Variants in BRSK2 observed in about 807,000 individuals in gnomAD.
BRSK2 encodes the protein BR serine/threonine kinase 2, also known as serine/threonine-protein kinase BRSK2.
BRSK2 carries 19 observed loss-of-function variants against 83.3 expected under a neutral mutation model. The observed-to-expected ratio is 0.23, with a 90% CI of 0.16 to 0.33. BRSK2 has a LOEUF of 0.33. Among genes scored for constraint, BRSK2 ranks in the 10% least tolerant of loss-of-function variants. BRSK2 has a pLI of 1.00. For synonymous variants in BRSK2, 519 were observed against 435.4 expected (o/e 1.19, Z -2.39); for missense variants, 798 against 1,042.3 (o/e 0.77, Z 3.23).
intron 1 of BRSK2, among the ~76,000 whole-genome samples, chr11:1,427,891 A>G (rs868394792): frequency 6.6e-6 from 1 of 152,200 alleles, no homozygotes; most frequent in African/African-American, 2.4e-5. Context: ...AGAAAGTGGC[A>G]AAACTGCTCA....
intron 1 of BRSK2, among the ~76,000 whole-genome samples, chr11:1,395,733 G>GTGCTGGCCC (rs563098343): frequency 2.0e-5 from 3 of 152,198 alleles, no homozygotes; most frequent in Non-Finnish European, 4.4e-5. Flanking sequence ...CGTGCTGGCC[G>GTGCTGGCCC]TGCTGGCCCT....
chr11:1,445,158 C>T (rs574599980), intron 9 of BRSK2, 136 bp from the exon 10 acceptor site: 42 of 1,460,762 alleles, frequency 2.9e-5, no homozygotes, highest in African/African-American at 2.7e-4. Flanking sequence ...GCGGGCAGGA[C>T]GCAGGAGGCC....
intron 1 of BRSK2, among the ~76,000 whole-genome samples, chr11:1,400,749 G>T (rs548041192): frequency 6.6e-6 from 1 of 152,338 alleles, no homozygotes; most frequent in East Asian, 1.9e-4. Context: ...AGGACCTGCC[G>T]GCTCTGCCTG....
chr11:1,396,758 G>A lies in BRSK2; in HGVS notation c.91+6383G>A, dbSNP rs577709678. On this transcript the variant is annotated intron_variant, in intron 1 of 19. Coordinates refer to ENST00000528841, the MANE Select transcript of BRSK2 (RefSeq NM_001256627.2). ...TGCTGGGCAGCCGGCACCAGGAGAGGAGGCGGGCTGGTCCCCGTGACTGCC... is the reference window on the plus strand; with the variant it reads ...TGCTGGGCAGCCGGCACCAGGAGAGAAGGCGGGCTGGTCCCCGTGACTGCC... Among the ~76,000 whole-genome samples the A allele has an allele frequency of 1.6e-4, 25 of 152,364 alleles. No homozygotes were observed. The South Asian group carries it at 5.2e-3, about 32-fold the overall frequency.
intron 1 of BRSK2, chr11:1,411,123 G>A: frequency 1.7e-6 from 2 of 1,205,504 alleles, no homozygotes; most frequent in Non-Finnish European, 2.1e-6. Context: ...ACCAGCTGGG[G>A]ATCCTCAGGG....
At chr11:1,451,333 TCAC>T in intron 14 of BRSK2, 35 bp from the exon 15 acceptor site, 3 of 1,612,090 alleles carry the variant, frequency 1.9e-6, no homozygotes, top group South Asian at 1.1e-5. Flanking sequence ...GATGGAGCGG[TCAC>T]CACGCCTTTC....
chr11:1,411,567 C>G (rs1451134824), intron 1 of BRSK2: 5 of 1,579,552 alleles, frequency 3.2e-6, no homozygotes, highest in South Asian at 1.1e-5. Context: ...CGGCCCACAG[C>G]TGCTCCAGCC....
At chr11:1,416,146 T>C (rs973246154) in intron 1 of BRSK2, among the ~76,000 whole-genome samples, 1 of 152,224 alleles carries the variant, frequency 6.6e-6, no homozygotes, top group Admixed American at 6.5e-5. Flanking sequence ...TTATAAAATT[T>C]CTGTTTTAAT....
chr11:1,443,191 C>T, intron 6 of BRSK2, 52 bp downstream of exon 6: 2 of 1,530,208 alleles, frequency 1.3e-6, no homozygotes, highest in Non-Finnish European at 1.8e-6. Context: ...TGGCGGGGAC[C>T]TGACCCTGGT....
At chr11:1,447,853 A>G (rs1248876927) in intron 12 of BRSK2, 1 of 1,596,852 alleles carries the variant, frequency 6.3e-7, no homozygotes, top group East Asian at 2.2e-5. Flanking sequence ...CCAATTCAGC[A>G]AAGAAGACAG....
intron 12 of BRSK2, among the ~76,000 whole-genome samples, chr11:1,446,179 G>C (rs1382175190): frequency 7.2e-6 from 1 of 138,298 alleles, no homozygotes; most frequent in East Asian, 2.2e-4. Context: ...CCTGGGCTGG[G>C]CTGGGCTAGT....
chr11:1,457,738 GA>G (rs964630851), intron 18 of BRSK2, among the ~76,000 whole-genome samples: 2 of 152,162 alleles, frequency 1.3e-5, no homozygotes, highest in African/African-American at 2.4e-5. Context: ...GGAAGCCAAA[GA>G]GGGCCCCACT....
At chr11:1,449,108 T>TCA (rs1202121725) in intron 12 of BRSK2, among the ~76,000 whole-genome samples, 2 of 152,214 alleles carry the variant, frequency 1.3e-5, no homozygotes, top group Non-Finnish European at 2.9e-5. Context: ...GCCGTCCTGG[T>TCA]CCCTGCACGG....
intron 19 of BRSK2, 72 bp from the exon 20 acceptor site, chr11:1,460,428 T>G: frequency 2.9e-5 from 27 of 945,282 alleles, no homozygotes; most frequent in East Asian, 4.0e-5. Flanking sequence ...TTCCCTCCCC[T>G]CCTCTTTCTC....
At chr11:1,419,156 G>C (rs1214819322) in intron 1 of BRSK2, among the ~76,000 whole-genome samples, 2 of 146,272 alleles carry the variant, frequency 1.4e-5, no homozygotes, top group African/African-American at 2.5e-5. Context: ...GGCGGGGGGG[G>C]CCTTTGCTCA....
chr11:1,410,816 C>T (rs1296538672), intron 1 of BRSK2: 2 of 943,826 alleles, frequency 2.1e-6, no homozygotes, highest in Non-Finnish European at 2.5e-6. Context: ...CCGGCAGGCA[C>T]AGCAGGGCAC....
chr11:1,394,801 G>GC (rs1433621309), intron 1 of BRSK2, among the ~76,000 whole-genome samples: 1 of 97,894 alleles, frequency 1.0e-5, no homozygotes. Context: ...CTGGAGATGG[G>GC]TCCTGGAGAT....
intron 1 of BRSK2, among the ~76,000 whole-genome samples, chr11:1,393,970 G>GC (rs1318710645): frequency 8.0e-6 from 1 of 124,302 alleles, no homozygotes. Context: ...CTGGAGATGG[G>GC]TCCTGGAGAT....
chr11:1,437,945 G>A (rs1255410434), intron 2 of BRSK2, among the ~76,000 whole-genome samples: 2 of 152,112 alleles, frequency 1.3e-5, no homozygotes, highest in African/African-American at 2.4e-5. Context: ...TCAGCCCGGC[G>A]GCCTGGGCTC....
Sources: allele counts gnomAD v4.1 joint callset (sites outside exome capture counted in the v4.1 genomes callset), GRCh38; gene constraint gnomAD v4.1.1; transcripts MANE v1.5; gene names NCBI Gene and HGNC (gene_info 2026-07-23, HGNC 2026-07-21).